The following STK3 variants were observed in gnomAD, a reference collection of about 807,000 sequenced individuals.
STK3 encodes serine/threonine-protein kinase 3.
In STK3, 41 loss-of-function variants were observed where a neutral mutation model predicts 58.0. The observed-to-expected ratio is 0.71, with a 90% CI of 0.55 to 0.92. The LOEUF (loss-of-function observed/expected upper bound fraction) is 0.92, where lower values mean the gene tolerates loss of function less well. Ranked by LOEUF, STK3 falls within the 40% of genes least tolerant of loss-of-function variation. STK3 has a pLI of 0.00. For synonymous variants in STK3, 170 were observed against 191.0 expected, an observed-to-expected ratio of 0.89 and a Z score of 0.91; for missense variants, 479 against 602.7, an observed-to-expected ratio of 0.79 and a Z score of 2.15.
intron 6 of STK3, among the ~76,000 whole-genome samples, chr8:98,677,747 T>A (rs539064703): frequency 1.3e-5 from 2 of 152,330 alleles, no homozygotes; most frequent in African/African-American, 4.8e-5. Context: ...TACTTGTCAT[T>A]CTGCCTTCAC....
At position 98,548,064 on chromosome 8, in the gene STK3, G is replaced by A. The variant is rs780693454; in HGVS notation, c.1046C>T (p.Thr349Ile). ...CATCGTGCTATTATGTTCAATCATG[G>A]TCTGGGCCCCTTCACTCATCGTGCT... ...ATSTMSEGAQ[T>I]MIEHNSTMLE... is the part of the protein sequence containing the mutation. Residue 349 changes from threonine to isoleucine, a missense_variant, in exon 9 of 11, where the codon ACC becomes ATC. Around this residue, in one of 3 missense-constraint regions of STK3, gnomAD observed 309 missense variants for 355.7 expected, o/e 0.87. Coordinates refer to ENST00000419617, the MANE Select transcript of STK3 (RefSeq NM_006281.4). 1 of 1,610,054 alleles carries A rather than the reference G, an allele frequency of 6.2e-7. No individual in the cohort carries two copies. The highest frequency in any genetic ancestry group is 8.5e-7 in the Non-Finnish European group (1 of 1,178,276).
At chr8:98,571,833 T>C (rs1017305854) in intron 8 of STK3, among the ~76,000 whole-genome samples, 4 of 152,224 alleles carry the variant, frequency 2.6e-5, no homozygotes, top group Non-Finnish European at 4.4e-5. Flanking sequence ...AAAATTCTTC[T>C]ACATCCATTT....
downstream of STK3, chr8:98,878,895 C>CTTTTTTTTTTTT (rs67515050): frequency 1.8e-5 from 2 of 108,624 alleles, no homozygotes; most frequent in Non-Finnish European, 3.7e-5. Flanking sequence ...TTTCTTTTTT[C>CTTTTTTTTTTTT]TTTTTTTTTT....
At chr8:98,716,532 C>T (rs921910057) in intron 4 of STK3, among the ~76,000 whole-genome samples, 1 of 151,884 alleles carries the variant, frequency 6.6e-6, no homozygotes, top group Non-Finnish European at 1.5e-5. Context: ...AATTTTAGGA[C>T]ATTAATAAAT....
intron 9 of STK3, among the ~76,000 whole-genome samples, chr8:98,529,361 A>C (rs573238480): frequency 1.3e-5 from 2 of 151,988 alleles, no homozygotes; most frequent in Non-Finnish European, 2.9e-5. Context: ...TTGGATCTCT[A>C]TGTGTGTTAT....
At chr8:98,655,873 T>G (rs1416340202) in intron 6 of STK3, among the ~76,000 whole-genome samples, 1 of 152,132 alleles carries the variant, frequency 6.6e-6, no homozygotes, top group African/African-American at 2.4e-5. Context: ...TAGGAACACT[T>G]TTGCACTGTT....
At chr8:98,390,651 C>A (rs1275587609), upstream of STK3, among the ~76,000 whole-genome samples, 4 of 151,894 alleles carry the variant, frequency 2.6e-5, no homozygotes, top group Non-Finnish European at 5.9e-5. Context: ...ACTTTGTCTC[C>A]TTCCTTTCTG....
At chr8:98,620,548 A>T (rs1818203133) in intron 6 of STK3, among the ~76,000 whole-genome samples, 1 of 151,124 alleles carries the variant, frequency 6.6e-6, no homozygotes, top group Non-Finnish European at 1.5e-5. Context: ...AGGGAAATTA[A>T]AAAAAATACA....
intron 10 of STK3, among the ~76,000 whole-genome samples, chr8:98,478,793 C>T (rs550671262): frequency 3.9e-5 from 6 of 152,144 alleles, no homozygotes; most frequent in African/African-American, 1.4e-4. Flanking sequence ...GGCTCCCTAC[C>T]CTCTGTCTCT....
chr8:98,558,362 CA>C (rs1237755279), intron 8 of STK3, among the ~76,000 whole-genome samples: 25 of 152,106 alleles, frequency 1.6e-4, no homozygotes, highest in Admixed American at 9.8e-4. Context: ...CATTTTTAAG[CA>C]GTGATATATT....
At chr8:98,422,822 C>A (rs1359867549) in intron 3 of STK3, among the ~76,000 whole-genome samples, 5 of 152,228 alleles carry the variant, frequency 3.3e-5, no homozygotes, top group Non-Finnish European at 7.3e-5. Flanking sequence ...CAAAGTCAGG[C>A]TGCTCAGGGG....
intron 8 of STK3, among the ~76,000 whole-genome samples, chr8:98,551,851 A>C (rs1811197054): frequency 6.6e-6 from 1 of 152,120 alleles, no homozygotes; most frequent in Admixed American, 6.6e-5. Context: ...TGACACGTTC[A>C]ATACATATTG....
chr8:98,858,333 G>GAGAGAGAC (rs1836775665), intron 3 of STK3, among the ~76,000 whole-genome samples: 1 of 120,302 alleles, frequency 8.3e-6, no homozygotes, highest in African/African-American at 3.1e-5. Context: ...TAGAGAGAGA[G>GAGAGAGAC]AGAGAGAGAG....
chr8:98,419,835 T>C (rs1400308337), intron 3 of STK3, among the ~76,000 whole-genome samples: 6 of 152,190 alleles, frequency 3.9e-5, no homozygotes, highest in African/African-American at 1.4e-4. Flanking sequence ...TCTGCCACTT[T>C]CAGACCTGGC....
chr8:98,826,388 C>G (rs76416678), upstream of STK3, among the ~76,000 whole-genome samples: 2 of 152,160 alleles, frequency 1.3e-5, no homozygotes, highest in African/African-American at 4.8e-5. Context: ...ACAAGCTCCT[C>G]GCTACATTTC....
At chr8:98,589,946 C>A (rs1164063398) in intron 7 of STK3, among the ~76,000 whole-genome samples, 1 of 152,186 alleles carries the variant, frequency 6.6e-6, no homozygotes, top group Non-Finnish European at 1.5e-5. Context: ...AATGCCTCGC[C>A]CTGCTTCGGC....
At chr8:98,690,548 G>C (rs577542612) in intron 6 of STK3, among the ~76,000 whole-genome samples, 1 of 151,542 alleles carries the variant, frequency 6.6e-6, no homozygotes, top group South Asian at 2.1e-4. Context: ...TAGCAGAGAC[G>C]ACACAAACAA....
chr8:98,858,375 A>G (rs1302979433), intron 3 of STK3, among the ~76,000 whole-genome samples: 1 of 107,680 alleles, frequency 9.3e-6, no homozygotes, highest in East Asian at 2.9e-4. Context: ...GAGAGAGTAT[A>G]TAGTATATAT....
intron 6 of STK3, among the ~76,000 whole-genome samples, chr8:98,611,878 C>T (rs550149357): frequency 6.6e-6 from 1 of 152,112 alleles, no homozygotes; most frequent in Non-Finnish European, 1.5e-5. Flanking sequence ...CAAATTCCCA[C>T]TACATTTAGC....
Sources: gnomAD v4.1 joint callset for allele counts (sites outside exome capture counted in the v4.1 genomes callset) on GRCh38, gnomAD v4.1.1 for gene constraint, gnomAD v4.1.1 regional missense constraint, MANE v1.5 for transcripts, NCBI Gene and HGNC (gene_info 2026-07-23, HGNC 2026-07-21) for gene names.